The following DNAH12 variants were observed in gnomAD, a reference collection of about 807,000 sequenced individuals.
The protein encoded by DNAH12 is axonemal beta dynein heavy chain 12.
In DNAH12, 285 loss-of-function variants were observed where a neutral mutation model predicts 371.5. That is an observed-to-expected ratio of 0.77 (90% CI 0.70 to 0.85). The LOEUF is 0.85. Ranked by LOEUF, DNAH12 falls within the 40% of genes least tolerant of loss-of-function variation. The pLI is 0.00. For synonymous variants in DNAH12, 1,200 were observed against 1,213.0 expected, an observed-to-expected ratio of 0.99 and a Z score of 0.22; for missense variants, 3,611 against 3,689.4, an observed-to-expected ratio of 0.98 and a Z score of 0.55.
At chr3:57,512,939 C>T (rs561718984) in intron 4 of DNAH12, among the ~76,000 whole-genome samples, 9 of 152,084 alleles carry the variant, frequency 5.9e-5, no homozygotes, top group African/African-American at 1.9e-4. Flanking sequence ...GAGTTCAAGA[C>T]CAGCCTGGTC....
In DNAH12 at chr3:57,470,644, T is replaced by C. The variant is rs9871422; in HGVS notation, c.1912-8A>G. 0.68 allele frequency: 1,025,400 copies of C among 1,516,742 alleles called. 348,272 individuals carry two copies. The highest frequency in any genetic ancestry group is 0.76 in the South Asian group (58,120 of 76,614). 94.0% of individuals were successfully genotyped at this position (1,516,742 alleles called of 1,614,324 possible). ...TCTTACATCTGTCACATACTGAAAGTAAATAAGTTTTTTGTCTTAAAAAAA... is the reference window on the plus strand; with the variant it reads ...TCTTACATCTGTCACATACTGAAAGCAAATAAGTTTTTTGTCTTAAAAAAA... On this transcript the variant is annotated splice_region_variant and splice_polypyrimidine_tract_variant and intron_variant, in intron 15 of 73. Transcript: ENST00000495027.
intron 34 of DNAH12, 38 bp downstream of exon 34, chr3:57,428,595 C>T (rs1381304244): frequency 4.0e-6 from 6 of 1,510,176 alleles, no homozygotes; most frequent in Non-Finnish European, 5.3e-6. Flanking sequence ...TGAATGGAAA[C>T]AAAGAAACTT....
chr3:57,374,234 C>G (rs1355170812), intron 55 of DNAH12, among the ~76,000 whole-genome samples: 1 of 152,056 alleles, frequency 6.6e-6, no homozygotes, highest in African/African-American at 2.4e-5. Context: ...CTTCAATTTC[C>G]TCATCTATAA....
intron 25 of DNAH12, among the ~76,000 whole-genome samples, chr3:57,450,494 G>A (rs1376320132): frequency 6.6e-6 from 1 of 152,202 alleles, no homozygotes; most frequent in African/African-American, 2.4e-5. Context: ...GTTGTGGTAA[G>A]CCGAGATCGC....
At chr3:57,429,048 C>T (rs910724383) in intron 33 of DNAH12, among the ~76,000 whole-genome samples, 3 of 152,148 alleles carry the variant, frequency 2.0e-5, no homozygotes, top group African/African-American at 2.4e-5. Context: ...GATCTGGAAA[C>T]GCCTAGGATT....
chr3:57,405,149 T>C lies in DNAH12; in HGVS notation c.6577-2A>G, dbSNP rs781944696. ...ATTTCTTAAGTCTTCTTCAGTTACC[T>C]ATAGAAAGGAAATCAACAAATTTTA... On this transcript the variant is annotated splice_acceptor_variant, in intron 41 of 73. Transcript: ENST00000495027. LOFTEE classifies it high-confidence loss of function. 1.3e-6 allele frequency: 2 copies of C among 1,505,556 alleles called. No individual in the cohort carries two copies. The highest frequency in any genetic ancestry group is 2.7e-5 in the South Asian group (2 of 74,168). 93.3% of individuals were successfully genotyped at this position (1,505,556 alleles called of 1,614,324 possible).
intron 73 of DNAH12, among the ~76,000 whole-genome samples, chr3:57,295,140 A>G (rs575663472): frequency 1.7e-4 from 26 of 152,294 alleles, no homozygotes; most frequent in Middle Eastern, 3.4e-3. Flanking sequence ...AGTTTCTTAT[A>G]GCCAGAAAAT....
chr3:57,450,407 G>T (rs918480469), intron 25 of DNAH12, among the ~76,000 whole-genome samples: 2 of 151,630 alleles, frequency 1.3e-5, no homozygotes, highest in Non-Finnish European at 2.9e-5. Context: ...AATTAGTTGG[G>T]CGTGGTGGCA....
rs1297892216 is a variant in DNAH12 at position 57,400,284 on chromosome 3, T to TA, written c.6948+3024dup. On this transcript the variant is annotated intron_variant, in intron 43 of 73. Transcript: ENST00000495027. ...GCCTGGGGCAGAGCGAGACTCTATC[T>TA]AAAAAAAAAAATTATATGTGAATTT... Among the ~76,000 whole-genome samples the TA allele has an allele frequency of 1.9e-3, 283 of 148,914 alleles. 1 individual carries two copies. The highest frequency in any genetic ancestry group is 2.9e-3 in the Admixed American group (44 of 14,930).
chr3:57,387,298 AT>A (rs2063515761), intron 45 of DNAH12, 79 bp from the exon 46 acceptor site: 1 of 152,212 alleles, frequency 6.6e-6, no homozygotes, highest in African/African-American at 2.4e-5. Context: ...TTAATGCATA[AT>A]AAGTTACATG....
At chr3:57,459,245 C>T (rs573737024) in intron 20 of DNAH12, among the ~76,000 whole-genome samples, 2 of 152,246 alleles carry the variant, frequency 1.3e-5, no homozygotes, top group African/African-American at 4.8e-5. Flanking sequence ...TATTCATTCT[C>T]TCTCCCTCTC....
chr3:57,489,484 G>A (rs911610331), intron 12 of DNAH12, 25 bp downstream of exon 12: 38 of 1,483,508 alleles, frequency 2.6e-5, no homozygotes, highest in Middle Eastern at 2.0e-4. Context: ...ATATAATTCT[G>A]AGCTTGGGAA....
intron 45 of DNAH12, among the ~76,000 whole-genome samples, chr3:57,388,627 G>A (rs1355282526): frequency 1.3e-5 from 2 of 152,020 alleles, no homozygotes; most frequent in African/African-American, 4.8e-5. Context: ...CAGGTTAAAT[G>A]TCATATAACT....
At chr3:57,372,719 A>G (rs922766854) in intron 55 of DNAH12, among the ~76,000 whole-genome samples, 9 of 152,088 alleles carry the variant, frequency 5.9e-5, no homozygotes, top group African/African-American at 2.2e-4. Flanking sequence ...CCAATAAGCC[A>G]ATGTGGACAT....
At chr3:57,459,845 G>T in intron 19 of DNAH12, 59 bp from the exon 20 acceptor site, 4 of 1,214,280 alleles carry the variant, frequency 3.3e-6, no homozygotes, top group Non-Finnish European at 4.2e-6. Flanking sequence ...ATAAATTATA[G>T]CAAGGAAAAT....
At position 57,382,277 on chromosome 3, in the gene DNAH12, T is replaced by A. The variant is rs1211362582; in HGVS notation, c.7977A>T (p.Ser2659=). 1 of 152,208 alleles carries A rather than the reference T, an allele frequency of 6.6e-6. No homozygotes were observed. Among genetic ancestry groups the A allele is most frequent in the Non-Finnish European group, 1.5e-5 (1 of 68,034 alleles). The allele number at this position is 152,208 out of a possible 1,614,324, so 9.4% of individuals were successfully genotyped here. A position where few individuals can be genotyped will look rare whatever the true frequency, so the allele number is the denominator to read the frequency against. Residue 2659 remains serine (S), a synonymous_variant, in exon 50 of 74, where the codon TCA becomes TCT. Transcript: ENST00000495027. ...AAGTTATTACCTTGCCTCCAGTCCC[T>A]GAAGGATCTGAAATTTTTTCTGGTT... ...DIKPEKISDP[S]GTGGKILDYW... is the part of the protein sequence containing the mutation.
intron 44 of DNAH12, among the ~76,000 whole-genome samples, chr3:57,393,065 A>T (rs1178170331): frequency 1.3e-5 from 2 of 152,176 alleles, no homozygotes; most frequent in African/African-American, 4.8e-5. Context: ...TGCACCATTT[A>T]CTGAGAGCTG....
At chr3:57,425,386 TATA>T (rs2064734260) in intron 34 of DNAH12, among the ~76,000 whole-genome samples, 1 of 151,376 alleles carries the variant, frequency 6.6e-6, no homozygotes, top group Admixed American at 6.6e-5. Flanking sequence ...TAGTTAGGAC[TATA>T]GGTGAGCACC....
chr3:57,429,796 A>T, intron 32 of DNAH12, 22 bp from the exon 33 acceptor site: 2 of 1,491,538 alleles, frequency 1.3e-6, no homozygotes, highest in Non-Finnish European at 8.9e-7. Context: ...TATTTTTCAA[A>T]TGTTTATTTT....
Sources: allele counts gnomAD v4.1 joint callset (sites outside exome capture counted in the v4.1 genomes callset), GRCh38; gene constraint gnomAD v4.1.1; transcripts MANE v1.5; gene names NCBI Gene and HGNC (gene_info 2026-07-23, HGNC 2026-07-21).